STPG2: variants seen among roughly 807,000 people sequenced by gnomAD.
STPG2 encodes sperm tail PG-rich repeat containing 2, also known as sperm-tail PG-rich repeat-containing protein 2.
Under a neutral mutation model 54.2 loss-of-function variants are expected in STPG2, and 56 were observed. That is an observed-to-expected ratio of 1.03 (90% CI 0.83 to 1.29). The LOEUF (loss-of-function observed/expected upper bound fraction) is 1.29, where lower values mean the gene tolerates loss of function less well. Among genes scored for constraint, STPG2 ranks in the 50% most tolerant of loss-of-function variants. The pLI is 0.00. For synonymous variants in STPG2, 200 were observed against 181.8 expected, an observed-to-expected ratio of 1.10 and a Z score of -0.81; for missense variants, 596 against 544.9, an observed-to-expected ratio of 1.09 and a Z score of -0.93.
At chr4:97,697,038 T>G (rs1723599012) in intron 10 of STPG2, among the ~76,000 whole-genome samples, 1 of 152,164 alleles carries the variant, frequency 6.6e-6, no homozygotes, top group Non-Finnish European at 1.5e-5. Flanking sequence ...ATTGGTCCCC[T>G]AAGGGAATGT....
At position 97,693,576 on chromosome 4, in the gene STPG2, A is replaced by T. The variant is rs1723450873; in HGVS notation, c.1320+19123T>A. 2.0e-5 allele frequency among the ~76,000 whole-genome samples: 3 copies of T among 152,322 alleles called. No homozygotes were observed. The South Asian group carries it at 6.2e-4, about 32-fold the overall frequency. Reference sequence around the variant, plus strand: ...AAGAAATGAGATAGACGGCAATACAATAATACTGGGGGACTTCAATACTCC... The same window carrying T: ...AAGAAATGAGATAGACGGCAATACATTAATACTGGGGGACTTCAATACTCC... On this transcript the variant is annotated intron_variant, in intron 10 of 10. Coordinates refer to ENST00000295268, the MANE Select transcript of STPG2 (RefSeq NM_174952.3).
At chr4:97,958,113 T>C (rs1302614556) in intron 7 of STPG2, among the ~76,000 whole-genome samples, 1 of 151,852 alleles carries the variant, frequency 6.6e-6, no homozygotes, top group Non-Finnish European at 1.5e-5. Flanking sequence ...AGTTTGAGCC[T>C]AGCCTGGCCA....
At chr4:98,024,146 G>A (rs993119293) in intron 5 of STPG2, among the ~76,000 whole-genome samples, 19 of 151,706 alleles carry the variant, frequency 1.3e-4, no homozygotes, top group Non-Finnish European at 2.7e-4. Context: ...GCTGTAGACC[G>A]GAGCTGTTCC....
chr4:98,025,224 C>T (rs1315810560), intron 5 of STPG2, among the ~76,000 whole-genome samples: 1 of 152,164 alleles, frequency 6.6e-6, no homozygotes, highest in Admixed American at 6.5e-5. Flanking sequence ...AGGAAAGTAT[C>T]AAACCTTTTT....
At chr4:98,018,950 T>C (rs1736071663) in intron 5 of STPG2, among the ~76,000 whole-genome samples, 1 of 152,056 alleles carries the variant, frequency 6.6e-6, no homozygotes. Flanking sequence ...TGCGAAAATT[T>C]TCTCCCAATT....
At chr4:98,041,020 C>T (rs1246983221) in intron 5 of STPG2, among the ~76,000 whole-genome samples, 1 of 151,736 alleles carries the variant, frequency 6.6e-6, no homozygotes, top group Non-Finnish European at 1.5e-5. Flanking sequence ...TTTCTTTCAT[C>T]AGTGTTTCAC....
intron 10 of STPG2, among the ~76,000 whole-genome samples, chr4:97,613,543 A>G (rs1733785549): frequency 6.7e-6 from 1 of 149,032 alleles, no homozygotes; most frequent in South Asian, 2.1e-4. Flanking sequence ...TGTGTGTATT[A>G]GGGAATGGGG....
At chr4:97,680,268 G>A (rs994999503) in intron 10 of STPG2, among the ~76,000 whole-genome samples, 1 of 151,754 alleles carries the variant, frequency 6.6e-6, no homozygotes, top group African/African-American at 2.4e-5. Flanking sequence ...AGCATGGAAT[G>A]TTCTTCCATT....
At chr4:97,766,400 T>C (rs1726054606) in intron 9 of STPG2, among the ~76,000 whole-genome samples, 2 of 152,082 alleles carry the variant, frequency 1.3e-5, no homozygotes, top group Admixed American at 6.6e-5. Context: ...AAATAGGGTA[T>C]AATAAATATA....
rs533565389 is a variant in STPG2, at chr4:97,482,249, A to G, written c.462+230450T>C. 1.2e-3 allele frequency among the ~76,000 whole-genome samples: 184 copies of G among 151,694 alleles called. 1 individual carries two copies. In the South Asian group the frequency reaches 0.016, roughly 13 times the overall value. Reference sequence around the variant, plus strand: ...TGATTTAAACAGTTTTTGAAAAAAAAGTTTTGGATCTACGTTAAAAAAGAT... The same window carrying G: ...TGATTTAAACAGTTTTTGAAAAAAAGGTTTTGGATCTACGTTAAAAAAGAT... On this transcript the variant is annotated intron_variant, in intron 4 of 4. Transcript: ENST00000522676.
At chr4:97,523,667 G>A (rs891820075) in intron 4 of STPG2, among the ~76,000 whole-genome samples, 5 of 152,014 alleles carry the variant, frequency 3.3e-5, no homozygotes, top group Non-Finnish European at 5.9e-5. Context: ...AACTGGAAAG[G>A]TTAGAAAAAT....
At chr4:97,718,618 T>A (rs1216510395) in intron 9 of STPG2, among the ~76,000 whole-genome samples, 3 of 151,966 alleles carry the variant, frequency 2.0e-5, no homozygotes, top group Non-Finnish European at 2.9e-5. Context: ...GTCATCAAAA[T>A]TTTTTTACAT....
At chr4:98,092,868 T>C (rs1738731917) in intron 5 of STPG2, among the ~76,000 whole-genome samples, 1 of 152,158 alleles carries the variant, frequency 6.6e-6, no homozygotes, top group Non-Finnish European at 1.5e-5. Context: ...GGTATTTTCA[T>C]TTGGCAGAAC....
intron 8 of STPG2, among the ~76,000 whole-genome samples, chr4:97,917,673 T>TA (rs1388236833): frequency 6.6e-6 from 1 of 152,174 alleles, no homozygotes; most frequent in Non-Finnish European, 1.5e-5. Context: ...GCTATCTTGA[T>TA]ACAGAGGATA....
intron 10 of STPG2, among the ~76,000 whole-genome samples, chr4:97,594,977 T>C (rs975658013): frequency 9.2e-5 from 14 of 152,062 alleles, no homozygotes; most frequent in African/African-American, 3.1e-4. Context: ...TGTGGAGAAA[T>C]AGGAACACTT....
intron 10 of STPG2, among the ~76,000 whole-genome samples, chr4:97,657,053 G>A (rs983438378): frequency 9.2e-5 from 14 of 151,784 alleles, no homozygotes; most frequent in African/African-American, 3.1e-4. Flanking sequence ...ACAAAATAAT[G>A]TGAAAGATGT....
intron 10 of STPG2, among the ~76,000 whole-genome samples, chr4:97,562,808 G>T (rs1431832982): frequency 6.6e-6 from 1 of 152,076 alleles, no homozygotes; most frequent in African/African-American, 2.4e-5. Flanking sequence ...GATCACGGTG[G>T]ATAAGCTTTG....
rs553361319 is a variant in STPG2 at position 98,110,947 on chromosome 4, A to G, written c.388-1642T>C. 3.3e-5 allele frequency among the ~76,000 whole-genome samples: 5 copies of G among 151,960 alleles called. No homozygotes were observed. In the South Asian group the frequency reaches 1.0e-3, roughly 32 times the overall value. On this transcript the variant is annotated intron_variant, in intron 3 of 10. Coordinates refer to ENST00000295268, the MANE Select transcript of STPG2 (RefSeq NM_174952.3). ...GTACAAAATGGTGAATCAAATCCATACCTGCCCCACCCGACTCCAAAATTT... is the reference window on the plus strand; with the variant it reads ...GTACAAAATGGTGAATCAAATCCATGCCTGCCCCACCCGACTCCAAAATTT...
chr4:97,918,103 C>T (rs1731953970), intron 8 of STPG2, among the ~76,000 whole-genome samples: 1 of 152,064 alleles, frequency 6.6e-6, no homozygotes, highest in African/African-American at 2.4e-5. Context: ...GCAAATGTTC[C>T]TCAGTAAATT....
Sources: gnomAD v4.1 joint callset for allele counts (sites outside exome capture counted in the v4.1 genomes callset) on GRCh38, gnomAD v4.1.1 for gene constraint, MANE v1.5 for transcripts, NCBI Gene and HGNC (gene_info 2026-07-23, HGNC 2026-07-21) for gene names.